Variants in BCCIP observed in about 807,000 individuals in gnomAD.
The protein encoded by BCCIP is BRCA2 and CDKN1A interacting protein, also known as BRCA2 and CDKN1A-interacting protein.
A neutral mutation model predicts 32.8 loss-of-function variants in BCCIP; 23 were observed. The observed-to-expected ratio is 0.70, with a 90% CI of 0.51 to 0.99. The LOEUF is 0.99. BCCIP is among the 50% of genes least tolerant of loss of function. The pLI, the probability that BCCIP is intolerant of heterozygous loss-of-function variation, is 0.00. For missense variants in BCCIP, 378 were observed against 379.8 expected (o/e 1.00, Z 0.04); for synonymous variants, 144 against 137.6 (o/e 1.05, Z -0.33).
chr10:125,837,264 A>G (rs1295254973), downstream of BCCIP, among the ~76,000 whole-genome samples: 1 of 152,224 alleles, frequency 6.6e-6, no homozygotes, highest in Non-Finnish European at 1.5e-5. Flanking sequence ...CGTAAGCCAG[A>G]CATCTATGAG....
chr10:125,842,416 C>G (rs1854906806), exon 7 of BCCIP: 1 of 153,258 alleles, frequency 6.5e-6, no homozygotes, highest in Non-Finnish European at 1.5e-5. Flanking sequence ...TTAGAAGGAA[C>G]AGTGGTGCTG....
intron 5 of BCCIP, among the ~76,000 whole-genome samples, chr10:125,833,286 G>C (rs1008051884): frequency 6.6e-6 from 1 of 152,210 alleles, no homozygotes; most frequent in African/African-American, 2.4e-5. Flanking sequence ...AATTTAGGTT[G>C]TGTGTTTATG....
At chr10:125,839,206 C>G, downstream of BCCIP, 1 of 1,610,082 alleles carries the variant, frequency 6.2e-7, no homozygotes, top group Non-Finnish European at 8.5e-7. Context: ...GGAAAGAACA[C>G]AAGGCTATTT....
chr10:125,840,932 T>C (rs1320059713), downstream of BCCIP: 1 of 1,612,510 alleles, frequency 6.2e-7, no homozygotes, highest in African/African-American at 1.3e-5. Context: ...GATGTAAAAA[T>C]GTCTTCCAAC....
downstream of BCCIP, chr10:125,841,307 AACCAG>A: frequency 6.2e-7 from 1 of 1,614,170 alleles, no homozygotes; most frequent in Non-Finnish European, 8.5e-7. Context: ...AGAGGATTGG[AACCAG>A]TTCCGATACA....
chr10:125,850,404 C>T (rs11244671), intron 7 of BCCIP, among the ~76,000 whole-genome samples: 56,103 of 145,346 alleles, frequency 0.39, 11,155 homozygotes, highest in Non-Finnish European at 0.45. Flanking sequence ...GTTGCCCAGG[C>T]TGCAGTGCAA....
At chr10:125,831,294 A>C in intron 4 of BCCIP, 126 bp from the exon 5 acceptor site, 1 of 824,240 alleles carries the variant, frequency 1.2e-6, no homozygotes. Context: ...AAGACATACA[A>C]GACGTTAAGG....
At chr10:125,840,763 G>A, downstream of BCCIP, 1 of 1,427,108 alleles carries the variant, frequency 7.0e-7, no homozygotes, top group South Asian at 1.6e-5. Context: ...GGCGAAGAAT[G>A]TTTGATGAAT....
Position 125,823,698 on chromosome 10 carries a change from T to G in BCCIP, c.141T>G (p.Asp47Glu). Residue 47 changes from aspartate (D) to glutamate (E), a missense_variant, in exon 1 of 7, where the codon GAT (aspartate) becomes GAG (glutamate). Physicochemically the swap from Asp to Glu is conservative, Grantham distance 45. Transcript: ENST00000278100. ...EDDDDSDKEK[D>E]EEDEVIDEEV... ...ATGATGACAGTGACAAGGAAAAGGA[T>G]GAAGAGGACGAGGTCATTGACGAGG... 1.2e-6 allele frequency: 2 copies of G among 1,614,058 alleles called. No homozygotes were observed. The highest frequency in any genetic ancestry group is 1.3e-5 in the African/African-American group (1 of 75,002).
chr10:125,823,633 G>A lies in BCCIP; in HGVS notation c.76G>A (p.Glu26Lys), dbSNP rs138840348. Residue 26 changes from glutamate (E) to lysine (K), a missense_variant, in exon 1 of 7, where the codon GAG becomes AAG. Glu to Lys is a moderately conservative substitution (Grantham distance 56). Coordinates refer to ENST00000278100, the MANE Select transcript of BCCIP (RefSeq NM_078468.3). ...GCCGGATCCCCCAGTCCAGCGCGAC[G>A]AGGAAGAGGAAAAAGAAGTCGAAAA... ...QPPDPPVQRD[E>K]EEEKEVENED... 1.2e-5 allele frequency: 19 copies of A among 1,614,160 alleles called. No individual in the cohort carries two copies. In the African/African-American group the frequency reaches 2.1e-4, roughly 18 times the overall value.
rs780555490 is a variant in BCCIP, at chr10:125,823,569, G to C, written c.12G>C (p.Arg4Ser). The change falls in exon 1 of 7, where the codon AGG becomes AGC. Residue 4 changes from arginine (R) to serine (S), a missense_variant. Physicochemically the swap from Arg to Ser is moderately radical, Grantham distance 110. Coordinates refer to ENST00000278100, the MANE Select transcript of BCCIP (RefSeq NM_078468.3). MAS[R>S]SKRRAVESGV... The stretch of plus-strand genomic sequence containing the variant: ...GTGTGAGCGGCAACATGGCGTCCAG[G>C]TCTAAGCGGCGTGCCGTGGAAAGTG... 3.1e-6 allele frequency: 5 copies of C among 1,613,890 alleles called. No individual in the cohort carries two copies. Among genetic ancestry groups the C allele is most frequent in the South Asian group, 2.2e-5 (2 of 91,070 alleles).
intron 6 of BCCIP, 81 bp downstream of exon 6, chr10:125,834,027 C>T (rs940812892): frequency 6.8e-7 from 1 of 1,475,164 alleles, no homozygotes; most frequent in African/African-American, 1.4e-5. Context: ...TGTTCTCCCA[C>T]TTTAGGTCCA....
chr10:125,841,055 A>C, downstream of BCCIP: 2 of 1,554,938 alleles, frequency 1.3e-6, no homozygotes, highest in Non-Finnish European at 1.7e-6. Context: ...TCTTAGCCTA[A>C]CATGCAGAGG....
At chr10:125,835,321 C>G (rs149502562) in intron 6 of BCCIP, among the ~76,000 whole-genome samples, 3,832 of 152,168 alleles carry the variant, frequency 0.025, 143 homozygotes, top group African/African-American at 0.076. Flanking sequence ...TGGCTCATGC[C>G]TGTAATCCCA....
At chr10:125,851,906 G>T (rs1944094025) in intron 7 of BCCIP, among the ~76,000 whole-genome samples, 1 of 123,624 alleles carries the variant, frequency 8.1e-6, no homozygotes, top group South Asian at 2.6e-4. Flanking sequence ...GAGCAACAGA[G>T]CAAGACCCTG....
At chr10:125,833,206 A>G (rs565148643) in intron 5 of BCCIP, among the ~76,000 whole-genome samples, 105 of 152,150 alleles carry the variant, frequency 6.9e-4, no homozygotes, top group Non-Finnish European at 1.3e-3. Context: ...AAGGGCATCC[A>G]GATGCACAAG....
downstream of BCCIP, among the ~76,000 whole-genome samples, chr10:125,837,142 G>C: frequency 6.6e-6 from 1 of 152,188 alleles, no homozygotes; most frequent in Non-Finnish European, 1.5e-5. Flanking sequence ...TTTCCCCTAA[G>C]GCCCATCACC....
downstream of BCCIP, among the ~76,000 whole-genome samples, chr10:125,840,144 C>T (rs1173784982): frequency 3.3e-5 from 5 of 152,166 alleles, no homozygotes; most frequent in African/African-American, 7.2e-5. Flanking sequence ...TACTGGCTGC[C>T]CTTTATGGGT....
Position 125,852,328 on chromosome 10 carries a change from G to A in BCCIP, c.851-797G>A, listed in dbSNP as rs143704757. On this transcript the variant is annotated intron_variant, in intron 7 of 7. Transcript: ENST00000368759. ...CATGAAGTCACAGTGGCCTAGGCCC[G>A]CAATGTCTATCCTCTTCATAAAAAG... 528 of 1,614,130 alleles carry A rather than the reference G, an allele frequency of 3.3e-4. 3 individuals carry two copies. In the Middle Eastern group the frequency reaches 3.3e-3, roughly 10 times the overall value.
Sources: gnomAD v4.1 joint callset for allele counts (sites outside exome capture counted in the v4.1 genomes callset) on GRCh38, gnomAD v4.1.1 for gene constraint, MANE v1.5 for transcripts, NCBI Gene and HGNC (gene_info 2026-07-23, HGNC 2026-07-21) for gene names.